FDX1: variants seen among roughly 807,000 people sequenced by gnomAD.
FDX1 encodes the protein ferredoxin 1.
A neutral mutation model predicts 14.9 loss-of-function variants in FDX1; 9 were observed. The observed-to-expected ratio is 0.60, with a 90% CI of 0.36 to 1.05. The LOEUF (loss-of-function observed/expected upper bound fraction) is 1.05, where lower values mean the gene tolerates loss of function less well. Among genes scored for constraint, FDX1 ranks in the 50% least tolerant of loss-of-function variants. The pLI, the probability that FDX1 is intolerant of heterozygous loss-of-function variation, is 0.01. For synonymous variants in FDX1, 92 were observed against 99.4 expected, an observed-to-expected ratio of 0.93 and a Z score of 0.44; for missense variants, 204 against 237.2, an observed-to-expected ratio of 0.86 and a Z score of 0.92.
At position 110,464,852 on chromosome 11, in the gene FDX1, C is replaced by G. The variant is rs1946583213; in HGVS notation, c.*2384C>G. 3.3e-5 allele frequency: 5 copies of G among 152,040 alleles called. No individual in the cohort carries two copies. Among genetic ancestry groups the G allele is most frequent in the Admixed American group, 3.3e-4 (5 of 15,278 alleles). 9.4% of individuals were successfully genotyped at this position (152,040 alleles called of 1,614,324 possible). ...TAATTGTGTTATTTTATAAAACCTT[C>G]TAAAATTATTAAATGGAGGATATAA... is the stretch of plus-strand genomic sequence containing the variant. On this transcript the variant is annotated 3_prime_UTR_variant, in exon 4 of 4. Transcript: ENST00000260270.
chr11:110,450,047 T>C (rs1176034923), intron 2 of FDX1, among the ~76,000 whole-genome samples: 1 of 152,212 alleles, frequency 6.6e-6, no homozygotes, highest in Non-Finnish European at 1.5e-5. Context: ...CGTTGTATTT[T>C]CTAAGGCAGT....
At chr11:110,430,350 C>T in intron 1 of FDX1, 45 bp downstream of exon 1, 1 of 1,152,744 alleles carries the variant, frequency 8.7e-7, no homozygotes, top group Non-Finnish European at 1.1e-6. Context: ...GCCGGGGTCC[C>T]CGGTGGGTGG....
intron 2 of FDX1, among the ~76,000 whole-genome samples, chr11:110,450,111 A>G (rs1946476987): frequency 1.3e-5 from 2 of 152,150 alleles, no homozygotes; most frequent in Admixed American, 1.3e-4. Context: ...CAAATTTTCC[A>G]TGGGCAAGGT....
chr11:110,446,864 A>G (rs1241546038), intron 2 of FDX1, among the ~76,000 whole-genome samples: 1 of 152,236 alleles, frequency 6.6e-6, no homozygotes, highest in African/African-American at 2.4e-5. Context: ...GAAATCAGAC[A>G]TGTCAGTCCC....
intron 3 of FDX1, among the ~76,000 whole-genome samples, chr11:110,459,339 G>A (rs1005936298): frequency 2.6e-5 from 4 of 152,214 alleles, no homozygotes; most frequent in African/African-American, 9.7e-5. Flanking sequence ...GTAGTTGTTA[G>A]CATTGTAACT....
chr11:110,457,876 G>T (rs1946532184), intron 3 of FDX1, among the ~76,000 whole-genome samples: 1 of 152,002 alleles, frequency 6.6e-6, no homozygotes, highest in African/African-American at 2.4e-5. Flanking sequence ...TAGAGAAGAA[G>T]AATCATTTTG....
intron 2 of FDX1, among the ~76,000 whole-genome samples, chr11:110,437,209 G>T (rs1331688957): frequency 2.0e-5 from 3 of 152,170 alleles, no homozygotes; most frequent in African/African-American, 7.2e-5. Context: ...GCCCAGCCTG[G>T]TCTTGAACTC....
rs909245058 is a variant in FDX1 at position 110,430,187 on chromosome 11, C to T, written c.67C>T (p.Arg23Trp). 11 of 1,230,370 alleles carry T rather than the reference C, an allele frequency of 8.9e-6. No individual in the cohort carries two copies. The highest frequency in any genetic ancestry group is 1.1e-5 in the Non-Finnish European group (11 of 988,834). 76.2% of individuals were successfully genotyped at this position (1,230,370 alleles called of 1,614,324 possible). A position where few individuals can be genotyped will look rare whatever the true frequency, so the allele number is the denominator to read the frequency against. ...TGCTGTCCTCGGCGGCCCGGCCGGCCGGTGGCTGCACCACGCTGGGTCCCG... is the reference window on the plus strand; with the variant it reads ...TGCTGTCCTCGGCGGCCCGGCCGGCTGGTGGCTGCACCACGCTGGGTCCCG... ...ASAVLGGPAG[R>W]WLHHAGSRAG... The change falls in exon 1 of 4, where the codon CGG (arginine) becomes TGG (tryptophan). Residue 23 changes from arginine to tryptophan, a missense_variant. Coordinates refer to ENST00000260270, the MANE Select transcript of FDX1 (RefSeq NM_004109.5).
At chr11:110,450,333 T>G (rs1946478353) in intron 2 of FDX1, among the ~76,000 whole-genome samples, 1 of 151,920 alleles carries the variant, frequency 6.6e-6, no homozygotes, top group African/African-American at 2.4e-5. Flanking sequence ...AGGCATTAGA[T>G]TCTCATAAGG....
chr11:110,462,195 G>A (rs1946560680), intron 3 of FDX1, among the ~76,000 whole-genome samples, 159 bp from the exon 4 acceptor site: 1 of 152,050 alleles, frequency 6.6e-6, no homozygotes, highest in South Asian at 2.1e-4. Flanking sequence ...TAGTTGATAG[G>A]GTTGGTTATA....
At chr11:110,439,429 G>T (rs970351183) in intron 2 of FDX1, among the ~76,000 whole-genome samples, 1 of 151,888 alleles carries the variant, frequency 6.6e-6, no homozygotes, top group African/African-American at 2.4e-5. Context: ...GGCTAGTCTC[G>T]AACTCCTGAC....
intron 2 of FDX1, among the ~76,000 whole-genome samples, chr11:110,452,693 C>G (rs1357714350): frequency 6.6e-6 from 1 of 151,996 alleles, no homozygotes; most frequent in Non-Finnish European, 1.5e-5. Context: ...GTGACACCAC[C>G]AGATACCTAC....
rs1350251623 is a variant in FDX1, at chr11:110,464,732, C to CAGAGCTACTTT, written c.*2266_*2276dup. 23 of 152,236 alleles carry CAGAGCTACTTT rather than the reference C, an allele frequency of 1.5e-4. No individual in the cohort carries two copies. The East Asian group carries it at 2.9e-3, about 19-fold the overall frequency. 9.4% of individuals were successfully genotyped at this position (152,236 alleles called of 1,614,324 possible). A position where few individuals can be genotyped will look rare whatever the true frequency, so the allele number is the denominator to read the frequency against. ...GTGTGGATTACCTAAACTCTCCTTC[C>CAGAGCTACTTT]AGAGCTACTTTAATGATTATATTCA... On this transcript the variant is annotated 3_prime_UTR_variant, in exon 4 of 4. Coordinates refer to ENST00000260270, the MANE Select transcript of FDX1 (RefSeq NM_004109.5).
chr11:110,436,638 A>G (rs1946372062), intron 2 of FDX1, among the ~76,000 whole-genome samples: 1 of 131,698 alleles, frequency 7.6e-6, no homozygotes, highest in African/African-American at 2.9e-5. Flanking sequence ...TAGGTCCAGC[A>G]TTGCATGTTG....
rs541494275 is a variant in FDX1 at position 110,452,839 on chromosome 11, C to G, written c.311-4079C>G. ...GTGAAAGAAGCCAGTTTCAGTCAAA[C>G]ACTGTATGATTCTATTTATATGAAC... On this transcript the variant is annotated intron_variant, in intron 2 of 3. Transcript: ENST00000260270. Among the ~76,000 whole-genome samples the G allele has an allele frequency of 3.3e-5, 5 of 152,296 alleles. No homozygotes were observed. In the South Asian group the frequency reaches 1.0e-3, roughly 32 times the overall value.
At chr11:110,446,694 G>A (rs186164130) in intron 2 of FDX1, among the ~76,000 whole-genome samples, 4 of 152,124 alleles carry the variant, frequency 2.6e-5, no homozygotes, top group East Asian at 1.9e-4. Context: ...CCAGTCCATC[G>A]GCACCTCCTG....
chr11:110,437,942 A>G (rs1273169753), intron 2 of FDX1, among the ~76,000 whole-genome samples: 1 of 152,212 alleles, frequency 6.6e-6, no homozygotes, highest in Non-Finnish European at 1.5e-5. Context: ...AGCTGTATCC[A>G]TGTTGCTGGA....
In FDX1 at chr11:110,444,632, ATG is replaced by A. The variant is rs369797336; in HGVS notation, c.310+8692_310+8693del. On this transcript the variant is annotated intron_variant, in intron 2 of 3. Transcript: ENST00000260270. ...CTGTCTCAAAAAAAAAAGAAAATAT[ATG>A]TGTGTGTGTGTGTGTGTATATATAT... 2.8e-4 allele frequency among the ~76,000 whole-genome samples: 24 copies of A among 84,816 alleles called. No individual in the cohort carries two copies. In the South Asian group the frequency reaches 3.0e-3, roughly 10 times the overall value. The allele number at this position is 84,816 out of a possible 152,430, so 55.6% of individuals were successfully genotyped here. A position where few individuals can be genotyped will look rare whatever the true frequency, so the allele number is the denominator to read the frequency against.
intron 2 of FDX1, among the ~76,000 whole-genome samples, chr11:110,454,938 A>G (rs1946512257): frequency 6.6e-6 from 1 of 152,158 alleles, no homozygotes. Flanking sequence ...CCATAATTCT[A>G]CTGTTGCTTT....
Sources: gnomAD v4.1 joint callset for allele counts (sites outside exome capture counted in the v4.1 genomes callset) on GRCh38, gnomAD v4.1.1 for gene constraint, MANE v1.5 for transcripts, NCBI Gene and HGNC (gene_info 2026-07-23, HGNC 2026-07-21) for gene names.